Variants in PLEKHM1 observed in about 807,000 individuals in gnomAD.
The protein encoded by PLEKHM1 is pleckstrin homology domain-containing family M member 1.
PLEKHM1 carries 28 observed loss-of-function variants against 94.3 expected under a neutral mutation model. The observed-to-expected ratio is 0.30, with a 90% CI of 0.22 to 0.41. PLEKHM1 has a LOEUF of 0.41. Ranked by LOEUF, PLEKHM1 falls within the 10% of genes least tolerant of loss-of-function variation. The pLI, the probability that PLEKHM1 is intolerant of heterozygous loss-of-function variation, is 1.00. For synonymous variants in PLEKHM1, 424 were observed against 581.2 expected (o/e 0.73, Z 3.89); for missense variants, 907 against 1,358.6 (o/e 0.67, Z 5.22).
intron 4 of PLEKHM1, among the ~76,000 whole-genome samples, chr17:45,474,616 A>T (rs1436428187): frequency 2.6e-5 from 4 of 152,230 alleles, no homozygotes; most frequent in African/African-American, 4.8e-5. Flanking sequence ...TGAAGACAAC[A>T]ATATTTTACA....
chr17:45,458,341 C>G lies in PLEKHM1; in HGVS notation c.1407G>C (p.Gly469=), dbSNP rs1395518663. The G allele has an allele frequency of 4.3e-6, 7 of 1,613,836 alleles. No individual in the cohort carries two copies. The highest frequency in any genetic ancestry group is 5.1e-6 in the Non-Finnish European group (6 of 1,179,852). The part of the protein sequence containing the change: ...ASDHPIASYR[G]TPGSRPGLHR... ...GGAGACCAGGCCTTGACCCTGGAGTCCCCCTGTAAGAAGCTATTGGGTGGT... is the reference window on the plus strand; with the variant it reads ...GGAGACCAGGCCTTGACCCTGGAGTGCCCCTGTAAGAAGCTATTGGGTGGT... The change falls in exon 6 of 12, where the codon GGG becomes GGC. Residue 469 remains glycine, a synonymous_variant. Coordinates refer to ENST00000430334, the MANE Select transcript of PLEKHM1 (RefSeq NM_014798.3).
At chr17:45,472,154 C>G (rs1437071312) in intron 4 of PLEKHM1, among the ~76,000 whole-genome samples, 1 of 152,090 alleles carries the variant, frequency 6.6e-6, no homozygotes, top group Non-Finnish European at 1.5e-5. Context: ...CTTTGATGAA[C>G]TCTAAATGTC....
At chr17:45,456,323 G>A (rs2050946129) in intron 6 of PLEKHM1, 1 of 152,210 alleles carries the variant, frequency 6.6e-6, no homozygotes, top group Admixed American at 6.5e-5. Flanking sequence ...TATGTCTCCA[G>A]CACTTAGAAC....
At chr17:45,466,280 G>C (rs1292407487) in intron 5 of PLEKHM1, among the ~76,000 whole-genome samples, 4 of 152,116 alleles carry the variant, frequency 2.6e-5, no homozygotes, top group South Asian at 2.1e-4. Flanking sequence ...AATTTTGAAA[G>C]ATAAATCACT....
intron 8 of PLEKHM1, among the ~76,000 whole-genome samples, chr17:45,450,189 C>T (rs1460719684): frequency 2.0e-5 from 3 of 152,014 alleles, no homozygotes; most frequent in African/African-American, 7.3e-5. Context: ...AACCATCCAC[C>T]TAGCCACCTG....
At chr17:45,473,644 C>T (rs59865757) in intron 4 of PLEKHM1, among the ~76,000 whole-genome samples, 3,738 of 151,932 alleles carry the variant, frequency 0.025, 150 homozygotes, top group African/African-American at 0.086. Flanking sequence ...CTGCAAGCTC[C>T]GCCTCCTGGG....
intron 2 of PLEKHM1, among the ~76,000 whole-genome samples, chr17:45,481,634 C>A (rs1422989198): frequency 7.3e-6 from 1 of 137,218 alleles, no homozygotes; most frequent in Admixed American, 7.5e-5. Flanking sequence ...CTGGAGGGTC[C>A]TGGGGTGGGA....
At position 45,488,681 on chromosome 17, in the gene PLEKHM1, G is replaced by A. The variant is rs187955367; in HGVS notation, c.-42+1971C>T. On this transcript the variant is annotated intron_variant, in intron 1 of 11. Coordinates refer to ENST00000430334, the MANE Select transcript of PLEKHM1 (RefSeq NM_014798.3). ...CAGCCAGGTGCGGCGGCTCACGCCC[G>A]TAATCCCAGCACTTTGGGAGGCCGA... is the stretch of plus-strand genomic sequence containing the variant. Among the ~76,000 whole-genome samples the A allele has an allele frequency of 6.8e-4, 104 of 152,306 alleles. 1 individual carries two copies. In the East Asian group the frequency reaches 9.3e-3, roughly 14 times the overall value.
At chr17:45,456,583 T>C (rs1266048809) in intron 6 of PLEKHM1, among the ~76,000 whole-genome samples, 1 of 152,190 alleles carries the variant, frequency 6.6e-6, no homozygotes, top group Non-Finnish European at 1.5e-5. Context: ...CGCTGGCAGG[T>C]TAGAGACCAC....
At position 45,458,215 on chromosome 17, in the gene PLEKHM1, T is replaced by C; in HGVS notation, c.1533A>G (p.Pro511=). The C allele has an allele frequency of 6.2e-7, 1 of 1,613,492 alleles. No homozygotes were observed. The highest frequency in any genetic ancestry group is 8.5e-7 in the Non-Finnish European group (1 of 1,179,684). Residue 511 remains proline (P), a synonymous_variant, in exon 6 of 12, where the codon CCA becomes CCG. Transcript: ENST00000430334. ...CCCGGAAGCTCTTATGCCCCTGGGA[T>C]GGGGCTGCCTGGGCTTGCCTTCTTC... ...SPGRRQAQAA[P]SQGHKSFRVV...
chr17:45,464,983 T>A (rs1256991963), intron 5 of PLEKHM1, among the ~76,000 whole-genome samples: 1 of 152,126 alleles, frequency 6.6e-6, no homozygotes, highest in Non-Finnish European at 1.5e-5. Context: ...ACACATCTTG[T>A]ATGATTCTGG....
chr17:45,464,489 G>C (rs1190668252), intron 5 of PLEKHM1, among the ~76,000 whole-genome samples: 2 of 152,216 alleles, frequency 1.3e-5, no homozygotes, highest in East Asian at 3.9e-4. Context: ...GGACCACAGG[G>C]GCAGACATGC....
chr17:45,439,895 C>A, intron 10 of PLEKHM1: 1 of 642,126 alleles, frequency 1.6e-6, no homozygotes, highest in East Asian at 2.7e-5. Context: ...TTCACTGTAC[C>A]CTCCCCTTGG....
intron 2 of PLEKHM1, among the ~76,000 whole-genome samples, chr17:45,480,439 G>A (rs10401005): frequency 0.69 from 104,635 of 151,924 alleles, 36,323 homozygotes; most frequent in Non-Finnish European, 0.74. Flanking sequence ...AGTCAAGATT[G>A]TGCCACTGCA....
intron 5 of PLEKHM1, chr17:45,463,763 C>T (rs4792816): frequency 0.73 from 110,444 of 152,202 alleles, 40,567 homozygotes; most frequent in African/African-American, 0.83. Context: ...GCCAGCACCC[C>T]GCCCTTTAAC....
chr17:45,467,603 A>G (rs1222338902), intron 5 of PLEKHM1, among the ~76,000 whole-genome samples: 1 of 152,080 alleles, frequency 6.6e-6, no homozygotes, highest in African/African-American at 2.4e-5. Flanking sequence ...TCTACTAAAA[A>G]CACAAAACTT....
In PLEKHM1 at chr17:45,475,236, A is replaced by C; in HGVS notation, c.787T>G (p.Ser263Ala). ...SLDTASSSQL[S>A]CSLNSDSCLL... Reference sequence around the variant, plus strand: ...CAGCTATCAGAGTTTAGGCTGCAGGACAGCTGGGATGAACTGGCCGTGTCC... The same window carrying C: ...CAGCTATCAGAGTTTAGGCTGCAGGCCAGCTGGGATGAACTGGCCGTGTCC... Residue 263 changes from serine (S) to alanine (A), a missense_variant, in exon 4 of 12, where the codon TCC (serine) becomes GCC (alanine). Coordinates refer to ENST00000430334, the MANE Select transcript of PLEKHM1 (RefSeq NM_014798.3). The C allele has an allele frequency of 6.2e-7, 1 of 1,613,968 alleles. No individual in the cohort carries two copies.
Position 45,454,021 on chromosome 17 carries a change from C to A in PLEKHM1, c.1831G>T (p.Asp611Tyr), listed in dbSNP as rs370244543. Residue 611 changes from aspartate to tyrosine, a missense_variant, in exon 7 of 12, where the codon GAC becomes TAC. This residue lies in a region of PLEKHM1 where 477 missense variants were observed against 601.5 expected (regional missense o/e 0.79). Transcript: ENST00000430334. ...CGGTCCAGCCAGTCCTCAGCTTCGT[C>A]CTGGGAGGAGGCGCGCAGGGCCAGC... ...KKLALRASSQ[D>Y]EAEDWLDRVR... 3.7e-6 allele frequency: 6 copies of A among 1,614,028 alleles called. No individual in the cohort carries two copies. The African/African-American group carries it at 5.3e-5, about 14-fold the overall frequency.
chr17:45,485,352 A>G (rs974329536), intron 1 of PLEKHM1, among the ~76,000 whole-genome samples: 1 of 152,046 alleles, frequency 6.6e-6, no homozygotes, highest in African/African-American at 2.4e-5. Flanking sequence ...ATCCCAGTCC[A>G]CAATTTCCAG....
Sources: gnomAD v4.1 joint callset for allele counts (sites outside exome capture counted in the v4.1 genomes callset) on GRCh38, gnomAD v4.1.1 for gene constraint, gnomAD v4.1.1 regional missense constraint, MANE v1.5 for transcripts, NCBI Gene and HGNC (gene_info 2026-07-23, HGNC 2026-07-21) for gene names.